Variants in MOXD1 observed in about 807,000 individuals in gnomAD.
MOXD1 encodes the protein DBH-like monooxygenase protein 1.
A neutral mutation model predicts 66.6 loss-of-function variants in MOXD1; 62 were observed. That is an observed-to-expected ratio of 0.93 (90% CI 0.76 to 1.15). The LOEUF (loss-of-function observed/expected upper bound fraction) is 1.15, where lower values mean the gene tolerates loss of function less well. MOXD1 is among the 50% of genes most tolerant of loss of function. The probability of loss-of-function intolerance (pLI) is 0.00; values close to 1 mark genes in which losing one functional copy is unlikely to be tolerated. For synonymous variants in MOXD1, 303 were observed against 281.9 expected, an observed-to-expected ratio of 1.07 and a Z score of -0.75; for missense variants, 847 against 754.6, an observed-to-expected ratio of 1.12 and a Z score of -1.44.
rs778703091 is a variant in MOXD1, at chr6:132,374,753, C to G, written c.289G>C (p.Glu97Gln). ...LQDYFTNANRELKKDAQQDYH... is the reference protein window; with the variant it reads ...LQDYFTNANRQLKKDAQQDYH... Reference sequence around the variant, plus strand: ...TCTTGCTGAGCATCTTTTTTCAACTCTCTATTTGCATTTGTAAAATAATCC... The same window carrying G: ...TCTTGCTGAGCATCTTTTTTCAACTGTCTATTTGCATTTGTAAAATAATCC... The change falls in exon 2 of 12, where the codon GAG becomes CAG. Residue 97 changes from glutamate to glutamine, a missense_variant. Glu to Gln is a conservative substitution (Grantham distance 29). Coordinates refer to ENST00000367963, the MANE Select transcript of MOXD1 (RefSeq NM_015529.4). 5.6e-6 allele frequency: 9 copies of G among 1,613,720 alleles called. No individual in the cohort carries two copies. The South Asian group carries it at 9.9e-5, about 18-fold the overall frequency.
In MOXD1 at chr6:132,381,961, T is replaced by C. The variant is rs555105980; in HGVS notation, c.265-7184A>G. Among the ~76,000 whole-genome samples, 10 of 152,200 alleles carry C rather than the reference T, an allele frequency of 6.6e-5. No homozygotes were observed. The East Asian group carries it at 1.5e-3, about 23-fold the overall frequency. ...ATTTTATTTAGCAAATAGAATCAAATGCAGCTCTATTATGCACTCATGGTA... is the reference window on the plus strand; with the variant it reads ...ATTTTATTTAGCAAATAGAATCAAACGCAGCTCTATTATGCACTCATGGTA... On this transcript the variant is annotated intron_variant, in intron 1 of 11. Transcript: ENST00000367963.
chr6:132,381,034 A>T (rs896807067), intron 1 of MOXD1, among the ~76,000 whole-genome samples: 22 of 152,238 alleles, frequency 1.4e-4, no homozygotes, highest in African/African-American at 4.6e-4. Context: ...TTAAATAAAT[A>T]AGAAAAAAAT....
Position 132,341,085 on chromosome 6 carries a change from T to C in MOXD1, c.664-12491A>G, listed in dbSNP as rs535028511. Among the ~76,000 whole-genome samples, 16 of 152,346 alleles carry C rather than the reference T, an allele frequency of 1.1e-4. 1 individual carries two copies. The South Asian group carries it at 2.9e-3, about 28-fold the overall frequency. ...GTCATCTACTTATCTTCTTGGATGT[T>C]GCTATTGGTCTGAATGTGTCCCCCA... On this transcript the variant is annotated intron_variant, in intron 4 of 11. Coordinates refer to ENST00000367963, the MANE Select transcript of MOXD1 (RefSeq NM_015529.4).
intron 10 of MOXD1, 39 bp from the exon 11 acceptor site, chr6:132,297,994 A>G: frequency 1.3e-6 from 2 of 1,527,846 alleles, no homozygotes; most frequent in Non-Finnish European, 1.8e-6. Context: ...TTCAGAACAA[A>G]TGCATTACAT....
intron 10 of MOXD1, among the ~76,000 whole-genome samples, chr6:132,301,421 T>A (rs1774534335): frequency 6.6e-6 from 1 of 152,098 alleles, no homozygotes; most frequent in Non-Finnish European, 1.5e-5. Flanking sequence ...TTCAAACTGA[T>A]CAATGGAAAT....
At chr6:132,331,901 C>A (rs977068220) in intron 4 of MOXD1, among the ~76,000 whole-genome samples, 1 of 152,134 alleles carries the variant, frequency 6.6e-6, no homozygotes, top group Non-Finnish European at 1.5e-5. Context: ...AGGCAAGTTG[C>A]CGACAGCTGT....
In MOXD1 at chr6:132,353,842, T is replaced by C. The variant is rs142857850; in HGVS notation, c.663+18766A>G. Among the ~76,000 whole-genome samples, 617 of 152,302 alleles carry C rather than the reference T, an allele frequency of 4.1e-3. 5 individuals are homozygous for C. Among genetic ancestry groups the C allele is most frequent in the African/African-American group, 0.014 (594 of 41,578 alleles). ...GTCATTTACCATAATTCCAGACTTC[T>C]TGGAGGCCTTGTTTATATTTTCTTA... On this transcript the variant is annotated intron_variant, in intron 4 of 11. Transcript: ENST00000367963.
chr6:132,346,035 T>C (rs1299219947), intron 4 of MOXD1, among the ~76,000 whole-genome samples: 1 of 152,032 alleles, frequency 6.6e-6, no homozygotes, highest in Admixed American at 6.6e-5. Flanking sequence ...GGGTCTGTTT[T>C]TTTGTTGTTG....
intron 6 of MOXD1, 42 bp from the exon 7 acceptor site, chr6:132,324,139 A>C (rs575677017): frequency 6.4e-7 from 1 of 1,568,180 alleles, no homozygotes; most frequent in African/African-American, 1.4e-5. Context: ...TTGGTTCTTA[A>C]AATGTTTTCA....
intron 4 of MOXD1, among the ~76,000 whole-genome samples, chr6:132,359,688 G>C (rs1327441719): frequency 5.3e-5 from 8 of 151,418 alleles, no homozygotes; most frequent in African/African-American, 1.9e-4. Flanking sequence ...GGGTTTCACT[G>C]TGTTAGCCAG....
At chr6:132,395,006 A>G (rs893457334) in intron 1 of MOXD1, among the ~76,000 whole-genome samples, 11 of 152,190 alleles carry the variant, frequency 7.2e-5, no homozygotes, top group African/African-American at 2.7e-4. Flanking sequence ...TCAGCACATT[A>G]TAGTCAAAAT....
chr6:132,324,005 G>T lies in MOXD1; in HGVS notation c.1039C>A (p.Leu347Ile). ...ATCCCTGGAGGGATGGTATGGAAGA[G>T]GCTCACCCAGAGGCCAGCCTCAATC... ...GVIEAGLWVSLFHTIPPGMPE... is the reference protein window; with the variant it reads ...GVIEAGLWVSIFHTIPPGMPE... Residue 347 changes from leucine to isoleucine, a missense_variant, in exon 7 of 12, where the codon CTC becomes ATC. Physicochemically the swap from Leu to Ile is conservative, Grantham distance 5. Coordinates refer to ENST00000367963, the MANE Select transcript of MOXD1 (RefSeq NM_015529.4). 1 of 1,613,984 alleles carries T rather than the reference G, an allele frequency of 6.2e-7. No individual in the cohort carries two copies. The highest frequency in any genetic ancestry group is 8.5e-7 in the Non-Finnish European group (1 of 1,179,936).
intron 4 of MOXD1, among the ~76,000 whole-genome samples, chr6:132,367,290 G>T (rs1302209871): frequency 1.3e-5 from 2 of 152,052 alleles, no homozygotes; most frequent in African/African-American, 4.8e-5. Flanking sequence ...TAGCAATTGA[G>T]TGTTGCTAGT....
At chr6:132,303,807 ATGTGTGTG>A (rs768465608) in intron 10 of MOXD1, among the ~76,000 whole-genome samples, 3 of 47,922 alleles carry the variant, frequency 6.3e-5, no homozygotes, top group Non-Finnish European at 1.0e-4. Flanking sequence ...ATACACACAC[ATGTGTGTG>A]TGTGTGTGTG....
At position 132,341,684 on chromosome 6, in the gene MOXD1, G is replaced by A. The variant is rs577891614; in HGVS notation, c.664-13090C>T. ...GAAATCCCTTCCCTTTATGCACTATGTTCATTCTTACACTTACGATTTCAT... is the reference window on the plus strand; with the variant it reads ...GAAATCCCTTCCCTTTATGCACTATATTCATTCTTACACTTACGATTTCAT... On this transcript the variant is annotated intron_variant, in intron 4 of 11. Transcript: ENST00000367963. Among the ~76,000 whole-genome samples, 12 of 152,282 alleles carry A rather than the reference G, an allele frequency of 7.9e-5. No homozygotes were observed. In the South Asian group the frequency reaches 2.5e-3, roughly 32 times the overall value.
intron 10 of MOXD1, among the ~76,000 whole-genome samples, chr6:132,305,891 C>T (rs182686332): frequency 4.6e-5 from 7 of 152,250 alleles, no homozygotes; most frequent in Admixed American, 2.0e-4. Context: ...ACTGGACAAA[C>T]TCATGAAGAT....
chr6:132,314,344 A>C (rs1288168940), intron 10 of MOXD1, among the ~76,000 whole-genome samples: 1 of 152,198 alleles, frequency 6.6e-6, no homozygotes, highest in Non-Finnish European at 1.5e-5. Context: ...CCTCAACTAG[A>C]CAATCACAAT....
chr6:132,321,096 C>T (rs901241975), intron 8 of MOXD1, among the ~76,000 whole-genome samples: 2 of 152,136 alleles, frequency 1.3e-5, no homozygotes, highest in Non-Finnish European at 2.9e-5. Flanking sequence ...GAAACCGCGT[C>T]TCTACTAAAA....
chr6:132,395,772 G>C (rs924037058), intron 1 of MOXD1, among the ~76,000 whole-genome samples: 8 of 152,106 alleles, frequency 5.3e-5, no homozygotes, highest in African/African-American at 1.7e-4. Flanking sequence ...ACACTAAAAA[G>C]TGACAAAGAA....
Sources: allele counts gnomAD v4.1 joint callset (sites outside exome capture counted in the v4.1 genomes callset), GRCh38; gene constraint gnomAD v4.1.1; transcripts MANE v1.5; gene names NCBI Gene and HGNC (gene_info 2026-07-23, HGNC 2026-07-21).